POGLUT3: variants seen among roughly 807,000 people sequenced by gnomAD.
The protein encoded by POGLUT3 is KDEL (Lys-Asp-Glu-Leu) containing 2.
POGLUT3 carries 48 observed loss-of-function variants against 54.3 expected under a neutral mutation model. That is an observed-to-expected ratio of 0.88 (90% CI 0.70 to 1.12). The LOEUF (loss-of-function observed/expected upper bound fraction) is 1.12. Among genes scored for constraint, POGLUT3 ranks in the 50% most tolerant of loss-of-function variants. The probability of loss-of-function intolerance (pLI) is 0.00; values close to 1 mark genes in which losing one functional copy is unlikely to be tolerated. For synonymous variants in POGLUT3, 218 were observed against 237.4 expected, an observed-to-expected ratio of 0.92 and a Z score of 0.75; for missense variants, 629 against 618.7, an observed-to-expected ratio of 1.02 and a Z score of -0.18.
Position 108,481,305 on chromosome 11 carries a change from A to T in POGLUT3, c.973T>A (p.Leu325Met). 2 of 1,612,960 alleles carry T rather than the reference A, an allele frequency of 1.2e-6. No individual in the cohort carries two copies. Among genetic ancestry groups the T allele is most frequent in the Non-Finnish European group, 1.7e-6 (2 of 1,179,616 alleles). Residue 325 changes from leucine to methionine, a missense_variant, in exon 5 of 8, where the codon TTG (leucine) becomes ATG (methionine). Transcript: ENST00000323468. ...GRDSREERLQ[L>M]VQLSKENPQL... Reference sequence around the variant, plus strand: ...GGATTTTCTTTGGACAGCTGTACCAACTGGAGCCTCTCCTCTCGGCTGTCT... The same window carrying T: ...GGATTTTCTTTGGACAGCTGTACCATCTGGAGCCTCTCCTCTCGGCTGTCT...
At chr11:108,498,072 G>A in intron 1 of POGLUT3, 93 bp downstream of exon 1, 1 of 1,132,722 alleles carries the variant, frequency 8.8e-7, no homozygotes, top group Non-Finnish European at 1.2e-6. Flanking sequence ...ACGCCGGGGA[G>A]GGACGCCACG....
At chr11:108,491,573 G>T in intron 1 of POGLUT3, 1 of 226,042 alleles carries the variant, frequency 4.4e-6, no homozygotes, top group Non-Finnish European at 8.7e-6. Flanking sequence ...GGGATGGGTT[G>T]GAGGGGGTCT....
In POGLUT3 at chr11:108,491,116, A is replaced by G. The variant is rs1591645099; in HGVS notation, c.254T>C (p.Val85Ala). Reference sequence around the variant, plus strand: ...CAAAGGTTTAGGGACATGTATCCGGACCAACTCTTTAGGTGAAAGAGATTT... The same window carrying G: ...CAAAGGTTTAGGGACATGTATCCGGGCCAACTCTTTAGGTGAAAGAGATTT... ...VVKSLSPKEL[V>A]RIHVPKPLDR... is the part of the protein sequence containing the mutation. The change falls in exon 2 of 8, where the codon GTC becomes GCC. Residue 85 changes from valine to alanine, a missense_variant. Val to Ala is a moderately conservative substitution (Grantham distance 64). Transcript: ENST00000323468. 6.2e-7 allele frequency: 1 copy of G among 1,614,138 alleles called. No individual in the cohort carries two copies. Among genetic ancestry groups the G allele is most frequent in the Non-Finnish European group, 8.5e-7 (1 of 1,179,990 alleles).
At position 108,481,333 on chromosome 11, in the gene POGLUT3, A is replaced by G. The variant is rs767516925; in HGVS notation, c.945T>C (p.Gly315=). ...INKTERAFFR[G]RDSREERLQL... ...GGAGCCTCTCCTCTCGGCTGTCTCT[A>G]CCTCTGAAGAAAGCTCTCTCTGTTT... The change falls in exon 5 of 8, where the codon GGT becomes GGC. Residue 315 remains glycine, a synonymous_variant. Coordinates refer to ENST00000323468, the MANE Select transcript of POGLUT3 (RefSeq NM_153705.5). The G allele has an allele frequency of 6.9e-6, 11 of 1,599,272 alleles. No homozygotes were observed. The South Asian group carries it at 1.3e-4, about 18-fold the overall frequency.
chr11:108,481,346 GCT>G lies in POGLUT3; in HGVS notation c.930_931del (p.Arg310SerfsTer6), dbSNP rs574278299. On this transcript the variant is annotated frameshift_variant, in exon 5 of 8. Coordinates refer to ENST00000323468, the MANE Select transcript of POGLUT3 (RefSeq NM_153705.5). LOFTEE classifies it high-confidence loss of function. ...TCGGCTGTCTCTACCTCTGAAGAAA[GCT>G]CTCTCTGTTTTATTGATCCAGGAAG... is the stretch of plus-strand genomic sequence containing the variant. The G allele has an allele frequency of 5.6e-4, 882 of 1,588,060 alleles. 5 individuals carry two copies. In the African/African-American group the frequency reaches 0.01, roughly 18 times the overall value.
intron 2 of POGLUT3, among the ~76,000 whole-genome samples, chr11:108,488,058 G>C (rs2093606924): frequency 1.3e-5 from 2 of 151,888 alleles, no homozygotes; most frequent in South Asian, 4.2e-4. Flanking sequence ...GAGTCTCACT[G>C]TGTTGCCTAG....
chr11:108,485,636 T>TTCTATTTTA (rs1555183247), intron 3 of POGLUT3, among the ~76,000 whole-genome samples: 1 of 140,322 alleles, frequency 7.1e-6, no homozygotes, highest in African/African-American at 2.7e-5. Flanking sequence ...CTTTATTCTA[T>TTCTATTTTA]TTTATTTATT....
intron 6 of POGLUT3, chr11:108,477,919 C>T: frequency 1.8e-6 from 1 of 550,954 alleles, no homozygotes; most frequent in Non-Finnish European, 3.2e-6. Flanking sequence ...GGGCCCAAAG[C>T]TAGAAGATCA....
chr11:108,491,288 A>T, intron 1 of POGLUT3, 121 bp from the exon 2 acceptor site: 1 of 748,402 alleles, frequency 1.3e-6, no homozygotes, highest in Non-Finnish European at 2.2e-6. Flanking sequence ...GTGGTTAAAA[A>T]AAAATCATTT....
Position 108,486,360 on chromosome 11 carries a change from G to T in POGLUT3, c.481C>A (p.Pro161Thr). The change falls in exon 3 of 8, where the codon CCA becomes ACA. Residue 161 changes from proline to threonine, a missense_variant. Pro to Thr is a conservative substitution (Grantham distance 38, BLOSUM62 -1). Transcript: ENST00000323468. ...GAAGCAAAATCTTTTGCAATCTGTG[G>T]TTCCTTGGTTGGACAAGAAAGAGTC... ...QKTLSCPTKE[P>T]QIAKDFASFP... 2 of 1,614,130 alleles carry T rather than the reference G, an allele frequency of 1.2e-6. No homozygotes were observed. The highest frequency in any genetic ancestry group is 2.2e-5 in the South Asian group (2 of 91,076).
chr11:108,475,621 C>T (rs1305015115), intron 7 of POGLUT3, among the ~76,000 whole-genome samples: 2 of 151,914 alleles, frequency 1.3e-5, no homozygotes, highest in African/African-American at 2.4e-5. Context: ...GCGCGTACCA[C>T]CATGCCCAGC....
At chr11:108,487,307 G>A (rs2093605413) in intron 2 of POGLUT3, among the ~76,000 whole-genome samples, 1 of 139,828 alleles carries the variant, frequency 7.2e-6, no homozygotes, top group Non-Finnish European at 1.5e-5. Context: ...TTACTAAAAT[G>A]TATAAAACCA....
intron 2 of POGLUT3, among the ~76,000 whole-genome samples, chr11:108,487,999 A>G (rs1246303986): frequency 1.3e-5 from 2 of 152,026 alleles, no homozygotes; most frequent in African/African-American, 2.4e-5. Flanking sequence ...CCCACAAAAC[A>G]TATGAAACAA....
At chr11:108,488,409 A>G (rs1486640483) in intron 2 of POGLUT3, among the ~76,000 whole-genome samples, 1 of 152,184 alleles carries the variant, frequency 6.6e-6, no homozygotes. Context: ...GGTAAGCCCT[A>G]CAATTCCTAC....
chr11:108,485,287 G>A (rs1230012241), intron 3 of POGLUT3, among the ~76,000 whole-genome samples: 1 of 152,174 alleles, frequency 6.6e-6, no homozygotes, highest in Non-Finnish European at 1.5e-5. Context: ...GAAAACAGCT[G>A]CAGAAGGTGA....
intron 7 of POGLUT3, among the ~76,000 whole-genome samples, 184 bp from the exon 8 acceptor site, chr11:108,475,136 A>G (rs1017057639): frequency 1.3e-5 from 2 of 152,170 alleles, no homozygotes; most frequent in Admixed American, 6.5e-5. Context: ...CACAGGCACT[A>G]GTTATAATTC....
intron 1 of POGLUT3, 35 bp downstream of exon 1, chr11:108,498,130 C>T: frequency 2.0e-6 from 3 of 1,476,250 alleles, no homozygotes; most frequent in East Asian, 3.0e-5. Flanking sequence ...GGGGACCCGG[C>T]CGCGGGACGA....
At position 108,490,027 on chromosome 11, in the gene POGLUT3, C is replaced by T. The variant is rs575912039; in HGVS notation, c.400+943G>A. Among the ~76,000 whole-genome samples, 23 of 152,198 alleles carry T rather than the reference C, an allele frequency of 1.5e-4. No individual in the cohort carries two copies. The South Asian group carries it at 4.6e-3, about 30-fold the overall frequency. Reference sequence around the variant, plus strand: ...TCAGCCCCCTGAGTAGCTGGGACTACAGGTATGTGCCGCCACACCCAGCTA... The same window carrying T: ...TCAGCCCCCTGAGTAGCTGGGACTATAGGTATGTGCCGCCACACCCAGCTA... On this transcript the variant is annotated intron_variant, in intron 2 of 7. Coordinates refer to ENST00000323468, the MANE Select transcript of POGLUT3 (RefSeq NM_153705.5).
intron 7 of POGLUT3, among the ~76,000 whole-genome samples, chr11:108,476,140 T>C (rs2093581319): frequency 6.6e-6 from 1 of 151,784 alleles, no homozygotes; most frequent in South Asian, 2.1e-4. Flanking sequence ...GAGTAAGAAA[T>C]ATATATATTT....
Sources: gnomAD v4.1 joint callset for allele counts (sites outside exome capture counted in the v4.1 genomes callset) on GRCh38, gnomAD v4.1.1 for gene constraint, MANE v1.5 for transcripts, NCBI Gene and HGNC (gene_info 2026-07-23, HGNC 2026-07-21) for gene names.